The following PLAAT1 variants were observed in gnomAD, a reference collection of about 807,000 sequenced individuals.
PLAAT1 encodes phospholipase A and acyltransferase 1.
A neutral mutation model predicts 16.4 loss-of-function variants in PLAAT1; 13 were observed. The ratio of observed to expected loss-of-function variants is 0.79; its 90% CI spans 0.52 to 1.26. The LOEUF is 1.26. PLAAT1 is among the 50% of genes most tolerant of loss of function. The pLI is 0.00. For missense variants in PLAAT1, 218 were observed against 207.8 expected (o/e 1.05, Z -0.30); for synonymous variants, 73 against 78.4 (o/e 0.93, Z 0.36).
upstream of PLAAT1, among the ~76,000 whole-genome samples, chr3:193,240,972 T>C (rs1479635854): frequency 6.6e-6 from 1 of 152,136 alleles, no homozygotes; most frequent in African/African-American, 2.4e-5. Flanking sequence ...GCCCTAAACG[T>C]TGGCTGCGGG....
chr3:193,270,892 T>TG (rs1156978071), downstream of PLAAT1: 15 of 1,242,236 alleles, frequency 1.2e-5, no homozygotes, highest in East Asian at 4.7e-4. Context: ...CCTGCTAGCA[T>TG]AGATGTACTG....
At chr3:193,244,691 T>A (rs1356627293) in intron 1 of PLAAT1, among the ~76,000 whole-genome samples, 2 of 152,158 alleles carry the variant, frequency 1.3e-5, no homozygotes, top group Non-Finnish European at 2.9e-5. Context: ...CCACTTCTTG[T>A]GAGAGCCTTC....
intron 1 of PLAAT1, among the ~76,000 whole-genome samples, chr3:193,250,373 A>G (rs927005437): frequency 6.6e-6 from 1 of 152,112 alleles, no homozygotes; most frequent in Non-Finnish European, 1.5e-5. Flanking sequence ...GCAGAGTTTA[A>G]TCTCCCACTC....
At chr3:193,274,481 C>G (rs1040259083), downstream of PLAAT1, among the ~76,000 whole-genome samples, 2 of 152,182 alleles carry the variant, frequency 1.3e-5, no homozygotes, top group African/African-American at 4.8e-5. Context: ...CTCCTTCATT[C>G]TACCACTTCC....
chr3:193,272,735 A>T (rs1387517600), downstream of PLAAT1, among the ~76,000 whole-genome samples: 1 of 152,108 alleles, frequency 6.6e-6, no homozygotes, highest in African/African-American at 2.4e-5. Context: ...TAATGTCATA[A>T]ATGCACTTTT....
At chr3:193,277,699 G>C (rs909278788) in exon 3 of PLAAT1, 1 of 152,196 alleles carries the variant, frequency 6.6e-6, no homozygotes, top group Admixed American at 6.5e-5. Context: ...TGGATTAAAG[G>C]GTTGTTTGGA....
intron 2 of PLAAT1, chr3:193,277,543 A>G (rs1386717853): frequency 6.6e-6 from 1 of 152,026 alleles, no homozygotes; most frequent in Non-Finnish European, 1.5e-5. Context: ...AAACTCACTG[A>G]CCCTCCGTAG....
At chr3:193,271,157 G>C (rs1716971406), downstream of PLAAT1, among the ~76,000 whole-genome samples, 1 of 152,134 alleles carries the variant, frequency 6.6e-6, no homozygotes, top group South Asian at 2.1e-4. Context: ...TAGCATTTTG[G>C]TTAGGCAGTT....
chr3:193,249,473 C>T (rs987703427), intron 1 of PLAAT1, among the ~76,000 whole-genome samples: 4 of 152,102 alleles, frequency 2.6e-5, no homozygotes, highest in Admixed American at 6.5e-5. Flanking sequence ...AATGTCATTT[C>T]ATTATGTTGA....
In PLAAT1 at chr3:193,241,336, C is replaced by CGGCGCTGGTGCT. The variant is rs1253029540; in HGVS notation, c.-193_-182dup. On this transcript the variant is annotated 5_prime_UTR_variant, in exon 1 of 4. Transcript: ENST00000264735. The stretch of plus-strand genomic sequence containing the variant: ...GGCCGCCGGGACCGTTTCAGCGTGG[C>CGGCGCTGGTGCT]GGCGCTGGTGCTGGCGTTGGCCCTG... 2 of 1,231,292 alleles carry CGGCGCTGGTGCT rather than the reference C, an allele frequency of 1.6e-6. No homozygotes were observed. Among genetic ancestry groups the CGGCGCTGGTGCT allele is most frequent in the Non-Finnish European group, 2.0e-6 (2 of 987,758 alleles). 76.3% of individuals were successfully genotyped at this position (1,231,292 alleles called of 1,614,324 possible).
At position 193,270,776 on chromosome 3, in the gene PLAAT1, T is replaced by C. The variant is rs1350859446; in HGVS notation, c.*71T>C. ...AAAAGAAACCTGGGGTGAATACTTA[T>C]TTTCAGTGCATCATTACTGTTCCAG... On this transcript the variant is annotated 3_prime_UTR_variant, in exon 4 of 4. Coordinates refer to ENST00000264735, the MANE Select transcript of PLAAT1 (RefSeq NM_020386.5). 2.4e-5 allele frequency: 37 copies of C among 1,553,846 alleles called. No homozygotes were observed. The highest frequency in any genetic ancestry group is 4.1e-5 in the African/African-American group (3 of 72,790).
downstream of PLAAT1, chr3:193,279,564 A>C: frequency 1.3e-6 from 1 of 778,152 alleles, no homozygotes; most frequent in Non-Finnish European, 2.2e-6. Context: ...ATATATCTTC[A>C]GATGTTTTGA....
upstream of PLAAT1, chr3:193,241,009 G>A (rs1027466318): frequency 2.4e-5 from 9 of 373,402 alleles, no homozygotes; most frequent in African/African-American, 4.2e-5. Flanking sequence ...GTGCGGAGCC[G>A]GGGGCGGAAT....
At chr3:193,261,709 T>C (rs745947042) in intron 2 of PLAAT1, among the ~76,000 whole-genome samples, 10 of 152,194 alleles carry the variant, frequency 6.6e-5, no homozygotes, top group Non-Finnish European at 1.2e-4. Flanking sequence ...TTAAATTCCA[T>C]ATTATTGTGG....
At chr3:193,257,028 T>A (rs978117401) in intron 2 of PLAAT1, among the ~76,000 whole-genome samples, 2 of 152,202 alleles carry the variant, frequency 1.3e-5, no homozygotes, top group African/African-American at 4.8e-5. Context: ...CTATTTAGAC[T>A]CTCTGTCACA....
chr3:193,261,408 A>G (rs1577307653), intron 2 of PLAAT1, among the ~76,000 whole-genome samples: 2 of 152,144 alleles, frequency 1.3e-5, no homozygotes, highest in East Asian at 1.9e-4. Context: ...AATAACCTGG[A>G]GTATTTTCCT....
intron 2 of PLAAT1, among the ~76,000 whole-genome samples, chr3:193,260,803 C>T (rs1294649475): frequency 1.3e-5 from 2 of 152,138 alleles, no homozygotes; most frequent in Non-Finnish European, 2.9e-5. Flanking sequence ...TATCAAAGAG[C>T]TTAAAAGAGA....
At chr3:193,273,130 A>G (rs1246638542), downstream of PLAAT1, among the ~76,000 whole-genome samples, 4 of 152,206 alleles carry the variant, frequency 2.6e-5, no homozygotes, top group African/African-American at 9.6e-5. Context: ...TTTTTTAAAA[A>G]ATCTTTTTAT....
In PLAAT1 at chr3:193,270,618, A is replaced by T; in HGVS notation, c.420A>T (p.Ile140=). The part of the protein sequence containing the change: ...EGVSEQANRA[I]STVEFVTAAV... ...TTTCCTTATAGGCCAACCGAGCGAT[A>T]AGTACCGTTGAGTTTGTGACAGCTG... The change falls in exon 4 of 4, where the codon ATA becomes ATT. Residue 140 remains isoleucine, a synonymous_variant. Coordinates refer to ENST00000264735, the MANE Select transcript of PLAAT1 (RefSeq NM_020386.5). 1 of 1,613,066 alleles carries T rather than the reference A, an allele frequency of 6.2e-7. No homozygotes were observed. The highest frequency in any genetic ancestry group is 1.1e-5 in the South Asian group (1 of 90,944).
Sources: gnomAD v4.1 joint callset for allele counts (sites outside exome capture counted in the v4.1 genomes callset) on GRCh38, gnomAD v4.1.1 for gene constraint, MANE v1.5 for transcripts, NCBI Gene and HGNC (gene_info 2026-07-23, HGNC 2026-07-21) for gene names.